The following PRKCE variants were observed in gnomAD, a reference collection of about 807,000 sequenced individuals.
PRKCE encodes the protein protein kinase C epsilon type.
In PRKCE, 16 loss-of-function variants were observed where a neutral mutation model predicts 85.4. The observed-to-expected ratio is 0.19, with a 90% CI of 0.13 to 0.28. The LOEUF is 0.28. PRKCE is among the 10% of genes least tolerant of loss of function. PRKCE has a pLI of 1.00. For synonymous variants in PRKCE, 388 were observed against 371.5 expected, an observed-to-expected ratio of 1.04 and a Z score of -0.51; for missense variants, 573 against 975.2, an observed-to-expected ratio of 0.59 and a Z score of 5.49.
chr2:46,011,159 T>A (rs1705638367), intron 10 of PRKCE, among the ~76,000 whole-genome samples: 1 of 152,220 alleles, frequency 6.6e-6, no homozygotes, highest in Admixed American at 6.5e-5. Context: ...GAAGCTCTAA[T>A]TTTGTTATCC....
At chr2:45,773,997 T>G (rs1317556979) in intron 1 of PRKCE, among the ~76,000 whole-genome samples, 6 of 152,234 alleles carry the variant, frequency 3.9e-5, no homozygotes, top group Non-Finnish European at 2.9e-5. Context: ...CCGTGGCTGC[T>G]GCTGTCTGCC....
chr2:46,089,724 GA>G, intron 11 of PRKCE, among the ~76,000 whole-genome samples: 1 of 148,874 alleles, frequency 6.7e-6, no homozygotes, highest in Middle Eastern at 3.5e-3. Flanking sequence ...CTCAGCAAGA[GA>G]TGCTTTTCTG....
rs7564294 is a variant in PRKCE, at chr2:45,723,725, G to A, written c.348+71277G>A. ...TTTCAAGCGATTCTCCTGCCTCAGC[G>A]TCCTGAATAGCTGGGATTATGGGCG... is the stretch of plus-strand genomic sequence containing the variant. On this transcript the variant is annotated intron_variant, in intron 1 of 14. Coordinates refer to ENST00000306156, the MANE Select transcript of PRKCE (RefSeq NM_005400.3). 2.0e-5 allele frequency among the ~76,000 whole-genome samples: 3 copies of A among 152,020 alleles called. 1 individual carries two copies. Among genetic ancestry groups the A allele is most frequent in the Middle Eastern group, 3.4e-3 (1 of 294 alleles).
At chr2:45,673,471 G>A (rs1299472299) in intron 1 of PRKCE, among the ~76,000 whole-genome samples, 2 of 152,112 alleles carry the variant, frequency 1.3e-5, no homozygotes, top group African/African-American at 4.8e-5. Flanking sequence ...ACACATTTAG[G>A]GACAGTACTT....
intron 14 of PRKCE, chr2:46,160,134 A>G (rs1331328601): frequency 4.6e-6 from 1 of 215,932 alleles, no homozygotes; most frequent in African/African-American, 2.4e-5. Flanking sequence ...AAAGGAAAAT[A>G]TTAACTAAAT....
chr2:45,740,286 T>G (rs928245541), intron 1 of PRKCE, among the ~76,000 whole-genome samples: 10 of 152,140 alleles, frequency 6.6e-5, no homozygotes, highest in Non-Finnish European at 1.2e-4. Flanking sequence ...TTGGGCTTAG[T>G]CAGGAGTCCC....
intron 1 of PRKCE, among the ~76,000 whole-genome samples, chr2:45,796,944 T>G (rs1011014336): frequency 7.9e-5 from 12 of 152,146 alleles, no homozygotes; most frequent in Non-Finnish European, 1.3e-4. Context: ...TTTTTTAATG[T>G]TATAGATAAA....
intron 1 of PRKCE, among the ~76,000 whole-genome samples, chr2:45,817,093 G>A: frequency 6.6e-6 from 1 of 151,462 alleles, no homozygotes; most frequent in South Asian, 2.1e-4. Context: ...GTGTGTGTGT[G>A]TGTGTGTGTG....
chr2:45,884,201 G>A (rs566993738), intron 2 of PRKCE, among the ~76,000 whole-genome samples: 1 of 152,344 alleles, frequency 6.6e-6, no homozygotes, highest in South Asian at 2.1e-4. Context: ...AGGAGGTGGG[G>A]TGAGAGGGTT....
At chr2:45,687,341 A>G (rs897207455) in intron 1 of PRKCE, among the ~76,000 whole-genome samples, 1 of 152,232 alleles carries the variant, frequency 6.6e-6, no homozygotes. Context: ...AGAAATATAC[A>G]TGACTCTTAA....
chr2:45,693,794 G>C (rs1295072559), intron 1 of PRKCE, among the ~76,000 whole-genome samples: 1 of 152,156 alleles, frequency 6.6e-6, no homozygotes, highest in African/African-American at 2.4e-5. Context: ...GACATCTGAA[G>C]AAGCAGGTTA....
chr2:45,755,871 A>T (rs1255978884), intron 1 of PRKCE, among the ~76,000 whole-genome samples: 1 of 152,194 alleles, frequency 6.6e-6, no homozygotes, highest in Non-Finnish European at 1.5e-5. Flanking sequence ...AGTCACCAGA[A>T]GAAACTTCCT....
chr2:45,939,987 T>C (rs1391155356), intron 2 of PRKCE, among the ~76,000 whole-genome samples: 1 of 152,220 alleles, frequency 6.6e-6, no homozygotes, highest in East Asian at 1.9e-4. Flanking sequence ...TTCAGAAATA[T>C]GAACATTCTC....
intron 1 of PRKCE, among the ~76,000 whole-genome samples, chr2:45,680,506 A>C (rs537159425): frequency 6.6e-6 from 1 of 152,328 alleles, no homozygotes; most frequent in Non-Finnish European, 1.5e-5. Flanking sequence ...GCCCAGGGTT[A>C]AACTTTAAAG....
At chr2:46,010,681 T>C (rs1228200670) in intron 10 of PRKCE, 164 bp downstream of exon 10, 4 of 1,598,488 alleles carry the variant, frequency 2.5e-6, no homozygotes, top group Admixed American at 3.3e-5. Context: ...TCTTCTTTTT[T>C]AGGGCACAGG....
At chr2:45,778,216 A>G (rs927362409) in intron 1 of PRKCE, among the ~76,000 whole-genome samples, 10 of 152,132 alleles carry the variant, frequency 6.6e-5, no homozygotes, top group Admixed American at 1.3e-4. Flanking sequence ...CAAAGTTTAG[A>G]CTTTGTCTAG....
Position 46,121,994 on chromosome 2 carries a change from T to C in PRKCE, c.1593-23099T>C, listed in dbSNP as rs554199978. Reference sequence around the variant, plus strand: ...TCCCTCCTTCCCTCCTTTTTTCCCATTGAGATATAATAGGCCTACAGTCGA... The same window carrying C: ...TCCCTCCTTCCCTCCTTTTTTCCCACTGAGATATAATAGGCCTACAGTCGA... On this transcript the variant is annotated intron_variant, in intron 11 of 14. Coordinates refer to ENST00000306156, the MANE Select transcript of PRKCE (RefSeq NM_005400.3). 1.5e-3 allele frequency among the ~76,000 whole-genome samples: 223 copies of C among 152,198 alleles called. 1 individual carries two copies. Among genetic ancestry groups the C allele is most frequent in the African/African-American group, 5.2e-3 (214 of 41,534 alleles).
At chr2:45,663,351 G>A (rs80069569) in intron 1 of PRKCE, among the ~76,000 whole-genome samples, 1,647 of 152,308 alleles carry the variant, frequency 0.011, 25 homozygotes, top group African/African-American at 0.037. Flanking sequence ...CAGTGAATTT[G>A]AAGAACTGTG....
At chr2:45,657,421 G>A (rs1432649198) in intron 1 of PRKCE, among the ~76,000 whole-genome samples, 2 of 152,084 alleles carry the variant, frequency 1.3e-5, no homozygotes. Flanking sequence ...ATAATGAAAT[G>A]GGTTTACTGT....
Sources: allele counts gnomAD v4.1 joint callset (sites outside exome capture counted in the v4.1 genomes callset), GRCh38; gene constraint gnomAD v4.1.1; transcripts MANE v1.5; gene names NCBI Gene and HGNC (gene_info 2026-07-23, HGNC 2026-07-21).